AUTS2: variants seen among roughly 807,000 people sequenced by gnomAD.
AUTS2 encodes the protein autism susceptibility gene 2 protein.
AUTS2 carries 17 observed loss-of-function variants against 112.4 expected under a neutral mutation model. That is an observed-to-expected ratio of 0.15 (90% CI 0.10 to 0.23). AUTS2 has a LOEUF of 0.23. Ranked by LOEUF, AUTS2 falls within the 10% of genes least tolerant of loss-of-function variation. AUTS2 has a pLI of 1.00. For synonymous variants in AUTS2, 751 were observed against 702.7 expected, an observed-to-expected ratio of 1.07 and a Z score of -1.09; for missense variants, 1,510 against 1,701.6, an observed-to-expected ratio of 0.89 and a Z score of 1.98.
rs369234984 is a variant in AUTS2, at chr7:69,611,383, A to G, written c.309+11421A>G. Among the ~76,000 whole-genome samples, 4 of 152,188 alleles carry G rather than the reference A, an allele frequency of 2.6e-5. No homozygotes were observed. In the East Asian group the frequency reaches 7.7e-4, roughly 29 times the overall value. The stretch of plus-strand genomic sequence containing the variant: ...CCTGTGTGCTGGGAGGTGCGATTTC[A>G]CACCTGAATGTTGAGACCTGCTGTG... On this transcript the variant is annotated intron_variant, in intron 1 of 18. Transcript: ENST00000342771.
intron 1 of AUTS2, among the ~76,000 whole-genome samples, chr7:69,806,595 A>G (rs1015825471): frequency 6.6e-6 from 1 of 152,078 alleles, no homozygotes; most frequent in Non-Finnish European, 1.5e-5. Context: ...CAGCCTCCCA[A>G]GTAGCTGGGA....
chr7:70,315,499 G>T (rs1001101191), intron 4 of AUTS2, among the ~76,000 whole-genome samples: 1 of 152,148 alleles, frequency 6.6e-6, no homozygotes, highest in Non-Finnish European at 1.5e-5. Context: ...CCCCTGGCCT[G>T]TCTTTCCCCT....
At chr7:70,436,468 G>C (rs1795897724) in intron 5 of AUTS2, 1 of 152,250 alleles carries the variant, frequency 6.6e-6, no homozygotes, top group African/African-American at 2.4e-5. Flanking sequence ...GCTTTCTGCT[G>C]CCTGAAGCAA....
intron 4 of AUTS2, among the ~76,000 whole-genome samples, chr7:70,333,634 G>T (rs1027117294): frequency 2.0e-5 from 3 of 152,216 alleles, no homozygotes; most frequent in East Asian, 3.9e-4. Flanking sequence ...GCCATAAAAA[G>T]GGATGAGTTC....
intron 5 of AUTS2, among the ~76,000 whole-genome samples, chr7:70,685,667 A>G (rs1808439278): frequency 6.6e-6 from 1 of 152,028 alleles, no homozygotes; most frequent in Admixed American, 6.6e-5. Context: ...CAACTGAGGA[A>G]CATCTAAGGT....
chr7:70,300,738 A>T (rs1390039179), intron 4 of AUTS2, among the ~76,000 whole-genome samples: 1 of 152,212 alleles, frequency 6.6e-6, no homozygotes, highest in African/African-American at 2.4e-5. Flanking sequence ...TTACCTATTC[A>T]TTACTGCATG....
At chr7:70,779,752 A>C (rs576352511) in intron 14 of AUTS2, among the ~76,000 whole-genome samples, 1 of 152,298 alleles carries the variant, frequency 6.6e-6, no homozygotes, top group South Asian at 2.1e-4. Context: ...AAGAGTAGCC[A>C]GGCACGATGG....
Position 70,344,144 on chromosome 7 carries a change from C to T in AUTS2, c.661-91608C>T, listed in dbSNP as rs58324219. On this transcript the variant is annotated intron_variant, in intron 4 of 18. Transcript: ENST00000342771. ...TTGTGTGCCCTAGACACCTTACTTA[C>T]GCCCTGAAACATCCCAGCCCTGGGT... is the stretch of plus-strand genomic sequence containing the variant. Among the ~76,000 whole-genome samples the T allele has an allele frequency of 8.8e-3, 1,340 of 152,224 alleles. 23 individuals carry two copies. The highest frequency in any genetic ancestry group is 0.03 in the African/African-American group (1,266 of 41,518).
chr7:69,812,013 T>C (rs1257820797), intron 1 of AUTS2, among the ~76,000 whole-genome samples: 1 of 152,176 alleles, frequency 6.6e-6, no homozygotes, highest in Non-Finnish European at 1.5e-5. Flanking sequence ...GAATGTAGAA[T>C]TTTGGCTTAC....
At chr7:70,611,329 T>G (rs1317623640) in intron 5 of AUTS2, among the ~76,000 whole-genome samples, 1 of 152,218 alleles carries the variant, frequency 6.6e-6, no homozygotes, top group African/African-American at 2.4e-5. Context: ...CCCTTGCTCC[T>G]TCTGCGGTCT....
intron 1 of AUTS2, among the ~76,000 whole-genome samples, chr7:69,831,385 C>A (rs1791494402): frequency 6.6e-6 from 1 of 152,024 alleles, no homozygotes; most frequent in Non-Finnish European, 1.5e-5. Flanking sequence ...CTGTGGACTG[C>A]AGAATTAAAC....
rs566198146 is a variant in AUTS2 at position 70,684,812 on chromosome 7, T to C, written c.691-13757T>C. The stretch of plus-strand genomic sequence containing the variant: ...TTACACTCCTGTATCCATTTCCTTA[T>C]CTAAAATAAGGAAGAAACTCTCCGT... On this transcript the variant is annotated intron_variant, in intron 5 of 18. Coordinates refer to ENST00000342771, the MANE Select transcript of AUTS2 (RefSeq NM_015570.4). 9.2e-4 allele frequency among the ~76,000 whole-genome samples: 140 copies of C among 152,262 alleles called. 1 individual carries two copies. Among genetic ancestry groups the C allele is most frequent in the Admixed American group, 1.7e-3 (26 of 15,298 alleles).
intron 2 of AUTS2, among the ~76,000 whole-genome samples, chr7:69,977,215 C>T (rs572108843): frequency 5.3e-5 from 8 of 152,242 alleles, no homozygotes; most frequent in South Asian, 4.1e-4. Flanking sequence ...CTCCATTGAA[C>T]GGCTTTGACA....
chr7:70,313,939 G>A (rs961965899), intron 4 of AUTS2, among the ~76,000 whole-genome samples: 4 of 152,146 alleles, frequency 2.6e-5, no homozygotes, highest in East Asian at 3.9e-4. Flanking sequence ...TTAATTAGCC[G>A]CATTTTAGCA....
chr7:70,545,588 A>G (rs1444994657), intron 5 of AUTS2, among the ~76,000 whole-genome samples: 1 of 152,170 alleles, frequency 6.6e-6, no homozygotes, highest in African/African-American at 2.4e-5. Context: ...TGGTCCGTTC[A>G]TGTTTGACCA....
intron 4 of AUTS2, among the ~76,000 whole-genome samples, chr7:70,181,153 A>C (rs1005155954): frequency 3.3e-5 from 5 of 152,186 alleles, no homozygotes; most frequent in Admixed American, 3.3e-4. Flanking sequence ...CCACTACTGC[A>C]TAGTATTCTA....
intron 6 of AUTS2, among the ~76,000 whole-genome samples, chr7:70,753,506 T>A (rs998634065): frequency 7.9e-5 from 12 of 152,190 alleles, no homozygotes; most frequent in Admixed American, 6.5e-4. Flanking sequence ...TCAATTTATT[T>A]GTACAGTTTC....
chr7:69,892,482 T>G, intron 1 of AUTS2, among the ~76,000 whole-genome samples: 1 of 152,186 alleles, frequency 6.6e-6, no homozygotes, highest in East Asian at 1.9e-4. Context: ...TATACAAAAC[T>G]TATCAGATAC....
In AUTS2 at chr7:70,767,354, G is replaced by A. The variant is rs145865904; in HGVS notation, c.1690-670G>A. 4.5e-4 allele frequency among the ~76,000 whole-genome samples: 69 copies of A among 152,268 alleles called. 1 individual carries two copies. Among genetic ancestry groups the A allele is most frequent in the African/African-American group, 1.6e-3 (68 of 41,554 alleles). On this transcript the variant is annotated intron_variant, in intron 9 of 18. Transcript: ENST00000342771. ...AATGAGGCCTTGTGACCAGAAATATGTTCTTAATAGCAAATCCTGTATCTC... is the reference window on the plus strand; with the variant it reads ...AATGAGGCCTTGTGACCAGAAATATATTCTTAATAGCAAATCCTGTATCTC...
Sources: allele counts gnomAD v4.1 joint callset (sites outside exome capture counted in the v4.1 genomes callset), GRCh38; gene constraint gnomAD v4.1.1; transcripts MANE v1.5; gene names NCBI Gene and HGNC (gene_info 2026-07-23, HGNC 2026-07-21).